The following NRP1 variants were observed in gnomAD, a reference collection of about 807,000 sequenced individuals.
NRP1 encodes the protein neuropilin 1, also known as neuropilin-1.
NRP1 carries 35 observed loss-of-function variants against 106.7 expected under a neutral mutation model. That is an observed-to-expected ratio of 0.33 (90% CI 0.25 to 0.43). The LOEUF (loss-of-function observed/expected upper bound fraction) is 0.43. NRP1 is among the 20% of genes least tolerant of loss of function. The pLI is 1.00. For missense variants in NRP1, 1,024 were observed against 1,170.4 expected (o/e 0.87, Z 1.83); for synonymous variants, 437 against 417.9 (o/e 1.05, Z -0.56).
At chr10:33,305,449 G>A (rs577432542) in intron 2 of NRP1, among the ~76,000 whole-genome samples, 6 of 152,254 alleles carry the variant, frequency 3.9e-5, no homozygotes, top group East Asian at 1.9e-4. Context: ...ACACCAGATC[G>A]TGATTATGCA....
intron 6 of NRP1, among the ~76,000 whole-genome samples, chr10:33,251,197 C>T (rs1888685): frequency 0.12 from 18,899 of 152,020 alleles, 1,787 homozygotes; most frequent in East Asian, 0.51. Context: ...TTTGGAAGTT[C>T]CTCCTTCACT....
intron 11 of NRP1, chr10:33,202,529 T>TG: frequency 7.6e-7 from 1 of 1,310,804 alleles, no homozygotes. Flanking sequence ...ATAAACATTC[T>TG]GAAGTGTGTG....
intron 12 of NRP1, among the ~76,000 whole-genome samples, chr10:33,197,034 T>C (rs2474723): frequency 0.32 from 48,370 of 151,974 alleles, 8,397 homozygotes; most frequent in East Asian, 0.64. Flanking sequence ...CAAAGGCCAG[T>C]GAGAGGAAGG....
Position 33,180,056 on chromosome 10 carries a change from C to A in NRP1, c.*20G>T. ...CCTTCCACTTCCGTCCTTTGACTGTCTTTTCATCTCTGTCTGCCTTCATGC... is the reference window on the plus strand; with the variant it reads ...CCTTCCACTTCCGTCCTTTGACTGTATTTTCATCTCTGTCTGCCTTCATGC... On this transcript the variant is annotated 3_prime_UTR_variant, in exon 17 of 17. Coordinates refer to ENST00000374867, the MANE Select transcript of NRP1 (RefSeq NM_003873.7). 6.2e-7 allele frequency: 1 copy of A among 1,610,360 alleles called. No individual in the cohort carries two copies.
At chr10:33,299,246 G>C (rs1007168671) in intron 2 of NRP1, among the ~76,000 whole-genome samples, 1 of 151,916 alleles carries the variant, frequency 6.6e-6, no homozygotes, top group African/African-American at 2.4e-5. Context: ...CCCTGACCCT[G>C]CCCCAATCCT....
intron 6 of NRP1, among the ~76,000 whole-genome samples, chr10:33,253,036 T>C (rs1290285078): frequency 6.6e-6 from 1 of 150,842 alleles, no homozygotes; most frequent in Non-Finnish European, 1.5e-5. Flanking sequence ...TCTCTGGGAA[T>C]TAGTCATTTT....
intron 6 of NRP1, among the ~76,000 whole-genome samples, chr10:33,231,279 T>C (rs991951492): frequency 6.6e-6 from 1 of 152,186 alleles, no homozygotes; most frequent in Non-Finnish European, 1.5e-5. Flanking sequence ...GCATCTGTTT[T>C]TCCCTGCAGA....
intron 3 of NRP1, 136 bp downstream of exon 3, chr10:33,270,539 C>G (rs1200986220): frequency 1.6e-6 from 1 of 626,504 alleles, no homozygotes; most frequent in Admixed American, 3.3e-5. Context: ...GTTGGCCAGG[C>G]TGGTCTTGAA....
rs1470644534 is a variant in NRP1, at chr10:33,213,458, C to T, written c.1542G>A (p.Lys514=). The T allele has an allele frequency of 1.2e-6, 2 of 1,614,126 alleles. No homozygotes were observed. The highest frequency in any genetic ancestry group is 1.7e-6 in the Non-Finnish European group (2 of 1,180,036). ...CGTTGTTGCTGTACCCGATCTTGAACTTCCTCATGAACACCTTGTTCTCTC... is the reference window on the plus strand; with the variant it reads ...CGTTGTTGCTGTACCCGATCTTGAATTTCCTCATGAACACCTTGTTCTCTC... ...KHRENKVFMR[K]FKIGYSNNGS... Residue 514 remains lysine (K), a synonymous_variant, in exon 9 of 17, where the codon AAG becomes AAA. Transcript: ENST00000374867.
intron 6 of NRP1, among the ~76,000 whole-genome samples, chr10:33,235,191 T>C (rs758541781): frequency 6.6e-6 from 1 of 152,204 alleles, no homozygotes; most frequent in Non-Finnish European, 1.5e-5. Context: ...CTGGTTCTGT[T>C]TGAATAGTAA....
intron 8 of NRP1, among the ~76,000 whole-genome samples, chr10:33,216,292 C>T (rs1277205680): frequency 1.3e-5 from 2 of 151,822 alleles, no homozygotes; most frequent in Admixed American, 6.6e-5. Context: ...CGCCTGCCAC[C>T]ACGCCCGGCT....
At chr10:33,315,152 G>C (rs1368000419) in intron 2 of NRP1, among the ~76,000 whole-genome samples, 1 of 152,182 alleles carries the variant, frequency 6.6e-6, no homozygotes, top group Admixed American at 6.6e-5. Context: ...AGATTATGGA[G>C]ACGACTGTAA....
intron 12 of NRP1, among the ~76,000 whole-genome samples, chr10:33,193,688 C>T (rs7077034): frequency 0.096 from 14,668 of 152,222 alleles, 2,324 homozygotes; most frequent in African/African-American, 0.33. Context: ...GCTTCTTTAA[C>T]TTGCTTGTGT....
intron 11 of NRP1, chr10:33,202,556 G>T (rs1837404535): frequency 7.1e-7 from 1 of 1,405,722 alleles, no homozygotes; most frequent in Non-Finnish European, 9.4e-7. Context: ...TAGGGGTGGT[G>T]CACGTGTTAT....
In NRP1 at chr10:33,271,750, T is replaced by C. The variant is rs376098617; in HGVS notation, c.249-894A>G. ...AGTTGGATCTTATTTATCTTTAAAA[T>C]GTACAAAGCCATCACCAATACACTA... On this transcript the variant is annotated intron_variant, in intron 2 of 16. Transcript: ENST00000374867. 3.9e-5 allele frequency among the ~76,000 whole-genome samples: 6 copies of C among 152,314 alleles called. No homozygotes were observed. The East Asian group carries it at 1.2e-3, about 29-fold the overall frequency.
intron 4 of NRP1, among the ~76,000 whole-genome samples, chr10:33,260,725 G>A (rs1357427375): frequency 2.6e-5 from 4 of 152,122 alleles, no homozygotes; most frequent in Admixed American, 1.3e-4. Flanking sequence ...TTCACAACAC[G>A]CATGCCTTGA....
At chr10:33,203,252 C>T (rs1044723006) in intron 10 of NRP1, among the ~76,000 whole-genome samples, 3 of 152,250 alleles carry the variant, frequency 2.0e-5, no homozygotes, top group Non-Finnish European at 2.9e-5. Context: ...ACATTGTTAT[C>T]TACATAAACA....
At chr10:33,305,360 G>A (rs1229286300) in intron 2 of NRP1, among the ~76,000 whole-genome samples, 4 of 152,302 alleles carry the variant, frequency 2.6e-5, no homozygotes, top group African/African-American at 9.6e-5. Context: ...ATTGGTCCCT[G>A]TTCTGCCCTT....
rs1464471836 is a variant in NRP1 at position 33,186,420 on chromosome 10, G to C, written c.2131C>G (p.Pro711Ala). ...QKGKVARLVS[P>A]VVYSQNSAHC... ...GCAGAGTTCTGGGAATAAACCACAG[G>C]GCTCACCAGGCGAGCCACTTTGCCC... is the stretch of plus-strand genomic sequence containing the variant. The change falls in exon 14 of 17, where the codon CCT (proline) becomes GCT (alanine). Residue 711 changes from proline (P) to alanine (A), a missense_variant. By Grantham distance (27) the Pro-to-Ala change is conservative (BLOSUM62 -1). Transcript: ENST00000374867. 3 of 1,613,966 alleles carry C rather than the reference G, an allele frequency of 1.9e-6. No individual in the cohort carries two copies. Among genetic ancestry groups the C allele is most frequent in the South Asian group, 2.2e-5 (2 of 91,060 alleles).
Sources: allele counts gnomAD v4.1 joint callset (sites outside exome capture counted in the v4.1 genomes callset), GRCh38; gene constraint gnomAD v4.1.1; transcripts MANE v1.5; gene names NCBI Gene and HGNC (gene_info 2026-07-23, HGNC 2026-07-21).